DDIAS: variants seen among roughly 807,000 people sequenced by gnomAD.
DDIAS encodes DNA damage-induced apoptosis suppressor protein.
Under a neutral mutation model 15.7 loss-of-function variants are expected in DDIAS, and 14 were observed. The ratio of observed to expected loss-of-function variants is 0.89; its 90% CI spans 0.59 to 1.39. The LOEUF (loss-of-function observed/expected upper bound fraction) is 1.39. Among genes scored for constraint, DDIAS ranks in the 40% most tolerant of loss-of-function variants. The pLI, the probability that DDIAS is intolerant of heterozygous loss-of-function variation, is 0.00. For synonymous variants in DDIAS, 355 were observed against 395.9 expected, an observed-to-expected ratio of 0.90 and a Z score of 1.23; for missense variants, 1,035 against 1,130.9, an observed-to-expected ratio of 0.92 and a Z score of 1.22.
intron 3 of DDIAS, among the ~76,000 whole-genome samples, chr11:82,920,086 A>T (rs1367067442): frequency 6.6e-6 from 1 of 152,068 alleles, no homozygotes; most frequent in Non-Finnish European, 1.5e-5. Flanking sequence ...TGTTCAGGGT[A>T]TCTAATTCTT....
In DDIAS at chr11:82,932,216, A is replaced by G; in HGVS notation, c.878A>G (p.Gln293Arg). The G allele has an allele frequency of 6.2e-7, 1 of 1,613,992 alleles. No individual in the cohort carries two copies. Among genetic ancestry groups the G allele is most frequent in the Non-Finnish European group, 8.5e-7 (1 of 1,179,980 alleles). ...TCCAGTAGCTGCCATGATCCCATTC[A>G]GGATTCATGGAGCCTTGTTTCATAT... ...TGSSSCHDPI[Q>R]DSWSLVSYMD... is the part of the protein sequence containing the mutation. The change falls in exon 6 of 6, where the codon CAG becomes CGG. Residue 293 changes from glutamine (Q) to arginine (R), a missense_variant. Physicochemically the swap from Gln to Arg is conservative, Grantham distance 43 (BLOSUM62 1). Coordinates refer to ENST00000533655, the MANE Select transcript of DDIAS (RefSeq NM_145018.4).
intron 1 of DDIAS, among the ~76,000 whole-genome samples, 158 bp from the exon 2 acceptor site, chr11:82,913,129 A>G (rs1459277709): frequency 1.3e-5 from 2 of 152,232 alleles, no homozygotes; most frequent in African/African-American, 4.8e-5. Flanking sequence ...AGCACATGCC[A>G]CTGAAAAAGT....
chr11:82,911,479 A>AT (rs1185710077), intron 1 of DDIAS, among the ~76,000 whole-genome samples: 3 of 152,230 alleles, frequency 2.0e-5, no homozygotes, highest in African/African-American at 7.2e-5. Flanking sequence ...GCAACTCGTC[A>AT]TAAGTTCATG....
At chr11:82,925,339 G>A (rs1323649896) in intron 3 of DDIAS, among the ~76,000 whole-genome samples, 1 of 152,178 alleles carries the variant, frequency 6.6e-6, no homozygotes, top group Admixed American at 6.5e-5. Flanking sequence ...GCTCACGCCT[G>A]TAATCCCAAC....
chr11:82,906,796 G>A (rs1860441172), intron 1 of DDIAS, among the ~76,000 whole-genome samples: 1 of 152,114 alleles, frequency 6.6e-6, no homozygotes, highest in Non-Finnish European at 1.5e-5. Context: ...TATGAAACTA[G>A]GCTGTGTACT....
intron 1 of DDIAS, among the ~76,000 whole-genome samples, chr11:82,909,892 A>C (rs1291239464): frequency 6.6e-6 from 1 of 152,210 alleles, no homozygotes; most frequent in African/African-American, 2.4e-5. Context: ...TTTCATCTGT[A>C]AATTTCCATC....
In DDIAS at chr11:82,913,646, CTCT is replaced by C. The variant is rs541657161; in HGVS notation, c.-17+263_-17+265del. 1.2e-3 allele frequency: 456 copies of C among 396,014 alleles called. 3 individuals are homozygous for C. Among genetic ancestry groups the C allele is most frequent in the Non-Finnish European group, 1.6e-3 (324 of 204,272 alleles). The allele number at this position is 396,014 out of a possible 1,614,324, so 24.5% of individuals were successfully genotyped here. A position where few individuals can be genotyped will look rare whatever the true frequency, so the allele number is the denominator to read the frequency against. ...TTACAAAATCTGAAGTCTTTTTTTT[CTCT>C]TCAAGATGTATCAAATGAGCACACT... On this transcript the variant is annotated intron_variant, in intron 2 of 5. Coordinates refer to ENST00000533655, the MANE Select transcript of DDIAS (RefSeq NM_145018.4).
intron 4 of DDIAS, among the ~76,000 whole-genome samples, chr11:82,929,776 A>G (rs957367156): frequency 6.6e-6 from 1 of 151,930 alleles, no homozygotes; most frequent in African/African-American, 2.4e-5. Flanking sequence ...CAAGAAATCT[A>G]TGTCCACATT....
intron 3 of DDIAS, among the ~76,000 whole-genome samples, chr11:82,918,299 A>G (rs1037453015): frequency 6.6e-6 from 1 of 152,282 alleles, no homozygotes; most frequent in East Asian, 1.9e-4. Flanking sequence ...ATTCTCCTAC[A>G]TGTGGCTAGC....
intron 1 of DDIAS, among the ~76,000 whole-genome samples, chr11:82,904,374 C>A (rs919032444): frequency 6.6e-6 from 1 of 152,108 alleles, no homozygotes; most frequent in Non-Finnish European, 1.5e-5. Flanking sequence ...TGTATGGGCA[C>A]GGTTTTTCAT....
In DDIAS at chr11:82,932,244, G is replaced by C; in HGVS notation, c.906G>C (p.Met302Ile). 1 of 1,613,574 alleles carries C rather than the reference G, an allele frequency of 6.2e-7. No individual in the cohort carries two copies. The highest frequency in any genetic ancestry group is 8.5e-7 in the Non-Finnish European group (1 of 1,179,786). Reference protein sequence around the residue: ...IQDSWSLVSYMDKKSTAEKLG... With the variant: ...IQDSWSLVSYIDKKSTAEKLG... ...ATTCATGGAGCCTTGTTTCATATAT[G>C]GATAAAAAGAGTACAGCAGAAAAGT... The change falls in exon 6 of 6, where the codon ATG becomes ATC. Residue 302 changes from methionine to isoleucine, a missense_variant. Transcript: ENST00000533655.
chr11:82,913,867 C>A, intron 2 of DDIAS: 1 of 399,634 alleles, frequency 2.5e-6, no homozygotes, highest in Non-Finnish European at 4.9e-6. Context: ...GGACCCAAGT[C>A]TAAACATAAA....
chr11:82,932,801 C>A lies in DDIAS; in HGVS notation c.1463C>A (p.Ala488Glu). 1 of 1,613,680 alleles carries A rather than the reference C, an allele frequency of 6.2e-7. No homozygotes were observed. Among genetic ancestry groups the A allele is most frequent in the South Asian group, 1.1e-5 (1 of 91,076 alleles). ...ALRSSQVIVK[A>E]NCSKDDFLFN... ...AGATCATCACAAGTAATAGTCAAAG[C>A]AAACTGTAGCAAAGATGACTTCCTT... Residue 488 changes from alanine to glutamate, a missense_variant, in exon 6 of 6, where the codon GCA becomes GAA. Transcript: ENST00000533655.
chr11:82,921,571 C>CTGTTTTTTTTTTTTTTT (rs1860749722), intron 3 of DDIAS, among the ~76,000 whole-genome samples: 1 of 78,132 alleles, frequency 1.3e-5, no homozygotes, highest in Admixed American at 1.4e-4. Context: ...TTCTTTCTTT[C>CTGTTTTTTTTTTTTTTT]TTTTTTTTTT....
chr11:82,931,629 G>A, intron 5 of DDIAS, 103 bp from the exon 6 acceptor site: 1 of 1,027,602 alleles, frequency 9.7e-7, no homozygotes, highest in Non-Finnish European at 1.4e-6. Context: ...AAAGTGCTGG[G>A]ATTACAGGCA....
At chr11:82,921,161 AAG>A (rs1459398600) in intron 3 of DDIAS, among the ~76,000 whole-genome samples, 1 of 152,108 alleles carries the variant, frequency 6.6e-6, no homozygotes, top group Non-Finnish European at 1.5e-5. Flanking sequence ...TTTTGCTTTA[AAG>A]TTTGTTTTTG....
chr11:82,928,485 C>A lies in DDIAS; in HGVS notation c.114-292C>A, dbSNP rs535223394. 2.0e-5 allele frequency among the ~76,000 whole-genome samples: 3 copies of A among 151,970 alleles called. No individual in the cohort carries two copies. The South Asian group carries it at 6.2e-4, about 32-fold the overall frequency. On this transcript the variant is annotated intron_variant, in intron 3 of 5. Coordinates refer to ENST00000533655, the MANE Select transcript of DDIAS (RefSeq NM_145018.4). The stretch of plus-strand genomic sequence containing the variant: ...AAGTGCTGGGATTACAGGTGTGAAC[C>A]ACCGCGCCCGGCCTTTTCGTCCTCT...
rs996935904 is a variant in DDIAS at position 82,928,390 on chromosome 11, A to G, written c.114-387A>G. Among the ~76,000 whole-genome samples the G allele has an allele frequency of 4.0e-4, 61 of 151,564 alleles. 1 individual carries two copies. Among genetic ancestry groups the G allele is most frequent in the African/African-American group, 1.3e-3 (54 of 41,374 alleles). On this transcript the variant is annotated intron_variant, in intron 3 of 5. Transcript: ENST00000533655. ...ATTTTTATGTATTTTTAGTAGAGAC[A>G]GGGTTTTACCGTGTTAGCTAGGATG...
intron 2 of DDIAS, chr11:82,914,027 C>T (rs1185362890): frequency 1.5e-5 from 6 of 402,984 alleles, no homozygotes; most frequent in East Asian, 7.6e-5. Flanking sequence ...ACCTCCGCAT[C>T]CTAGGTTCAA....
Sources: gnomAD v4.1 joint callset for allele counts (sites outside exome capture counted in the v4.1 genomes callset) on GRCh38, gnomAD v4.1.1 for gene constraint, MANE v1.5 for transcripts, NCBI Gene and HGNC (gene_info 2026-07-23, HGNC 2026-07-21) for gene names.